The following PPP1R13L variants were observed in gnomAD, a reference collection of about 807,000 sequenced individuals.
PPP1R13L encodes the protein protein phosphatase 1 regulatory subunit 13 like.
PPP1R13L carries 50 observed loss-of-function variants against 80.9 expected under a neutral mutation model. The ratio of observed to expected loss-of-function variants is 0.62; its 90% CI spans 0.49 to 0.78. The LOEUF (loss-of-function observed/expected upper bound fraction) is 0.78. PPP1R13L is among the 30% of genes least tolerant of loss of function. PPP1R13L has a pLI of 0.00. For synonymous variants in PPP1R13L, 602 were observed against 534.3 expected (o/e 1.13, Z -1.75); for missense variants, 1,200 against 1,205.9 (o/e 1.00, Z 0.07).
chr19:45,389,693 C>T (rs1245330699), intron 8 of PPP1R13L, among the ~76,000 whole-genome samples: 1 of 152,124 alleles, frequency 6.6e-6, no homozygotes, highest in Non-Finnish European at 1.5e-5. Context: ...GCCTGTAATC[C>T]CAGCCACTTG....
At chr19:45,398,177 T>C (rs2123392969) in intron 2 of PPP1R13L, 30 bp from the exon 3 acceptor site, 1 of 1,612,686 alleles carries the variant, frequency 6.2e-7, no homozygotes, top group Non-Finnish European at 8.5e-7. Context: ...GGTAAGGACC[T>C]GGCCTCCTGG....
At chr19:45,380,326 G>GGGTGGGA in intron 12 of PPP1R13L, 98 bp from the exon 13 acceptor site, 3 of 1,456,188 alleles carry the variant, frequency 2.1e-6, no homozygotes, top group Non-Finnish European at 2.9e-6. Context: ...CCTTCCTAAG[G>GGGTGGGA]GGACCTCTCA....
At chr19:45,383,080 C>T (rs1233447159) in intron 11 of PPP1R13L, among the ~76,000 whole-genome samples, 1 of 148,636 alleles carries the variant, frequency 6.7e-6, no homozygotes, top group Admixed American at 6.8e-5. Flanking sequence ...CTGCAACCTC[C>T]GCCTCCCGGG....
chr19:45,382,545 C>G lies in PPP1R13L; in HGVS notation c.2430G>C (p.Val810=). The change falls in exon 12 of 13, where the codon GTG becomes GTC. Residue 810 remains valine (V), a synonymous_variant. Transcript: ENST00000360957. ...GGCTCACCCCGAAGTAGTTCCGCGG[C>G]ACGTAGCCCTCCTGGCCGTGCAGCG... ...WAALHGQEGY[V]PRNYFGLFPR... 1.2e-6 allele frequency: 2 copies of G among 1,613,044 alleles called. No individual in the cohort carries two copies. The highest frequency in any genetic ancestry group is 1.7e-6 in the Non-Finnish European group (2 of 1,179,622).
intron 1 of PPP1R13L, among the ~76,000 whole-genome samples, chr19:45,403,627 AAGATT>A (rs576527106): frequency 6.6e-6 from 1 of 152,190 alleles, no homozygotes; most frequent in South Asian, 2.1e-4. Context: ...TCAGTCACCC[AAGATT>A]CCTCTAGACA....
chr19:45,399,497 G>T (rs1312181756), intron 1 of PPP1R13L, among the ~76,000 whole-genome samples: 1 of 151,046 alleles, frequency 6.6e-6, no homozygotes, highest in Non-Finnish European at 1.5e-5. Context: ...GGTGATGGAC[G>T]CCTGTAGTCC....
intron 3 of PPP1R13L, among the ~76,000 whole-genome samples, 168 bp downstream of exon 3, chr19:45,397,836 GA>G (rs1332615698): frequency 2.0e-5 from 3 of 152,120 alleles, no homozygotes; most frequent in African/African-American, 7.2e-5. Flanking sequence ...AAAGTGCTGG[GA>G]TTCCAGGTCT....
At chr19:45,382,423 A>G in intron 12 of PPP1R13L, 104 bp downstream of exon 12, 4 of 1,359,272 alleles carry the variant, frequency 2.9e-6, no homozygotes, top group Non-Finnish European at 3.1e-6. Context: ...CCCTCTCCCA[A>G]TATAACGGTT....
At chr19:45,380,526 C>T (rs1972741816) in intron 12 of PPP1R13L, among the ~76,000 whole-genome samples, 2 of 152,042 alleles carry the variant, frequency 1.3e-5, no homozygotes, top group South Asian at 2.1e-4. Context: ...TAAAAAATCT[C>T]CTCTCTCAGG....
chr19:45,382,264 T>A (rs542363968), intron 12 of PPP1R13L, among the ~76,000 whole-genome samples: 1 of 151,130 alleles, frequency 6.6e-6, no homozygotes, highest in Non-Finnish European at 1.5e-5. Flanking sequence ...AAAATAAAAA[T>A]AAAAAAATAA....
At chr19:45,398,977 A>T (rs747556472) in intron 1 of PPP1R13L, among the ~76,000 whole-genome samples, 24 of 137,588 alleles carry the variant, frequency 1.7e-4, no homozygotes, top group Non-Finnish European at 3.7e-4. Context: ...GGTGTCTCGC[A>T]TTTTCGCCCA....
intron 1 of PPP1R13L, among the ~76,000 whole-genome samples, chr19:45,404,415 T>C (rs1190247446): frequency 6.6e-6 from 1 of 152,100 alleles, no homozygotes; most frequent in Non-Finnish European, 1.5e-5. Flanking sequence ...CAGAGGAGGT[T>C]GGAGATCTGC....
chr19:45,397,488 T>C (rs1210534399), intron 3 of PPP1R13L, among the ~76,000 whole-genome samples: 1 of 124,018 alleles, frequency 8.1e-6, no homozygotes, highest in African/African-American at 4.3e-5. Context: ...CTTTCTTTCT[T>C]TCTTTCTTTC....
At position 45,392,614 on chromosome 19, in the gene PPP1R13L, C is replaced by G; in HGVS notation, c.1355-274G>C. ...TTGTGAGGTAGATACACTGCCATCT[C>G]CACATTACCGAAAGGGAATCTGGGC... is the stretch of plus-strand genomic sequence containing the variant. On this transcript the variant is annotated intron_variant, in intron 7 of 12. Coordinates refer to ENST00000360957, the MANE Select transcript of PPP1R13L (RefSeq NM_006663.4). The G allele has an allele frequency of 9.1e-6, 5 of 548,970 alleles. No homozygotes were observed. The South Asian group carries it at 9.7e-5, about 11-fold the overall frequency. The allele number at this position is 548,970 out of a possible 1,614,324, so 34.0% of individuals were successfully genotyped here.
chr19:45,396,888 G>T lies in PPP1R13L; in HGVS notation c.369C>A (p.Thr123=). 6.6e-7 allele frequency: 1 copy of T among 1,525,328 alleles called. No homozygotes were observed. The highest frequency in any genetic ancestry group is 8.7e-7 in the Non-Finnish European group (1 of 1,144,342). The allele number at this position is 1,525,328 out of a possible 1,614,324, so 94.5% of individuals were successfully genotyped here. A position where few individuals can be genotyped will look rare whatever the true frequency, so the allele number is the denominator to read the frequency against. The change falls in exon 4 of 13, where the codon ACC becomes ACA. Residue 123 remains threonine (T), a synonymous_variant. Transcript: ENST00000360957. This position sits in a 1 kb window ranked among gnomAD's most constrained non-coding sequence, Gnocchi z 5.3. ...SPKGRPSSPR[T]PLYLQPDAYG... ...AGGCGTCCGGCTGCAGGTAGAGCGG[G>T]GTGCGCGGCGACGACGGCCGTCCCT...
intron 1 of PPP1R13L, among the ~76,000 whole-genome samples, chr19:45,402,877 G>A (rs1035594721): frequency 1.3e-5 from 2 of 152,194 alleles, no homozygotes; most frequent in Non-Finnish European, 2.9e-5. Context: ...ACTTCCTGGA[G>A]GAGTCATCTT....
chr19:45,389,777 A>G (rs1472636293), intron 8 of PPP1R13L, among the ~76,000 whole-genome samples: 4 of 151,846 alleles, frequency 2.6e-5, no homozygotes, highest in African/African-American at 9.7e-5. Context: ...ACTTGTTTTT[A>G]TTTATTTATT....
At chr19:45,397,303 T>C (rs980952031) in intron 3 of PPP1R13L, among the ~76,000 whole-genome samples, 1 of 152,122 alleles carries the variant, frequency 6.6e-6, no homozygotes, top group African/African-American at 2.4e-5. Context: ...TCTTTCCTTC[T>C]GAGGGTCCCT....
chr19:45,389,950 C>A (rs1365092089), intron 8 of PPP1R13L, among the ~76,000 whole-genome samples: 1 of 151,770 alleles, frequency 6.6e-6, no homozygotes, highest in Non-Finnish European at 1.5e-5. Context: ...CCCGCCACCA[C>A]CCCCAGCTAA....
Sources: gnomAD v4.1 joint callset for allele counts (sites outside exome capture counted in the v4.1 genomes callset) on GRCh38, gnomAD v4.1.1 for gene constraint, Gnocchi (gnomAD v3.1) non-coding constraint, MANE v1.5 for transcripts, NCBI Gene and HGNC (gene_info 2026-07-23, HGNC 2026-07-21) for gene names.